Variants in GRIP1 observed in about 807,000 individuals in gnomAD.
GRIP1 encodes the protein glutamate receptor interacting protein 1.
In GRIP1, 45 loss-of-function variants were observed where a neutral mutation model predicts 129.9. The ratio of observed to expected loss-of-function variants is 0.35; its 90% CI spans 0.27 to 0.44. The LOEUF (loss-of-function observed/expected upper bound fraction) is 0.44, where lower values mean the gene tolerates loss of function less well. Ranked by LOEUF, GRIP1 falls within the 20% of genes least tolerant of loss-of-function variation. The probability of loss-of-function intolerance (pLI) is 1.00; values close to 1 mark genes in which losing one functional copy is unlikely to be tolerated. For synonymous variants in GRIP1, 530 were observed against 520.8 expected, an observed-to-expected ratio of 1.02 and a Z score of -0.24; for missense variants, 1,196 against 1,396.8, an observed-to-expected ratio of 0.86 and a Z score of 2.29.
rs1169331519 is a variant in GRIP1, at chr12:66,451,383, GTTTTTTTTTTT to G, written c.1354+4015_1354+4025del. Among the ~76,000 whole-genome samples the G allele has an allele frequency of 3.5e-3, 149 of 42,590 alleles. 3 individuals are homozygous for G. Among genetic ancestry groups the G allele is most frequent in the Non-Finnish European group, 4.5e-3 (108 of 23,862 alleles). The allele number at this position is 42,590 out of a possible 152,430, so 27.9% of individuals were successfully genotyped here. On this transcript the variant is annotated intron_variant, in intron 11 of 24. Transcript: ENST00000359742. ...CCCCAAAGATTTATTATTATAATCT[GTTTTTTTTTTT>G]TTTTTTTTTTTTTTTTTTTTTTTTT...
intron 2 of GRIP1, among the ~76,000 whole-genome samples, chr12:66,554,030 G>A (rs904858972): frequency 3.9e-5 from 6 of 152,174 alleles, no homozygotes; most frequent in African/African-American, 1.4e-4. Flanking sequence ...GCTGGGCTAA[G>A]AGCCCATTGA....
chr12:66,567,455 T>C (rs1389319370), intron 2 of GRIP1: 1 of 152,204 alleles, frequency 6.6e-6, no homozygotes, highest in African/African-American at 2.4e-5. Context: ...AGAACAGAAA[T>C]TATAACAAAC....
intron 1 of GRIP1, among the ~76,000 whole-genome samples, chr12:66,960,475 T>A (rs537134383): frequency 0.019 from 2,916 of 152,290 alleles, 38 homozygotes; most frequent in Middle Eastern, 0.058. Flanking sequence ...ATTTGGACTT[T>A]TTTTTAGCTT....
upstream of GRIP1, among the ~76,000 whole-genome samples, chr12:66,683,858 A>T (rs1019237325): frequency 3.3e-5 from 5 of 152,186 alleles, no homozygotes; most frequent in Non-Finnish European, 7.4e-5. Context: ...CAAGAGGAAA[A>T]ATCTACCAGA....
Position 66,532,190 on chromosome 12 carries a change from T to C in GRIP1, c.419-2276A>G, listed in dbSNP as rs1044324350. The stretch of plus-strand genomic sequence containing the variant: ...GTTTTAATACAATTAATGAAATAGA[T>C]TTGGTCTTTCTTGTTTTTATTTGCA... On this transcript the variant is annotated intron_variant, in intron 4 of 24. Transcript: ENST00000359742. Among the ~76,000 whole-genome samples the C allele has an allele frequency of 4.6e-5, 7 of 152,242 alleles. No homozygotes were observed. In the East Asian group the frequency reaches 1.3e-3, roughly 29 times the overall value.
chr12:66,416,617 C>A (rs955067937), intron 15 of GRIP1, among the ~76,000 whole-genome samples: 3 of 152,142 alleles, frequency 2.0e-5, no homozygotes, highest in Non-Finnish European at 4.4e-5. Flanking sequence ...TCATTAGTGG[C>A]TCCTATGAGC....
intron 1 of GRIP1, among the ~76,000 whole-genome samples, chr12:66,963,867 C>T (rs1386719933): frequency 6.6e-6 from 1 of 152,138 alleles, no homozygotes; most frequent in African/African-American, 2.4e-5. Context: ...GAACTCAGTA[C>T]CTCCAACCCA....
intron 1 of GRIP1, among the ~76,000 whole-genome samples, chr12:66,906,235 G>T (rs1233951817): frequency 6.6e-6 from 1 of 151,846 alleles, no homozygotes; most frequent in Non-Finnish European, 1.5e-5. Context: ...ACCAGCCTGG[G>T]CAACATAGCA....
At chr12:66,621,981 T>C (rs540582591) in intron 1 of GRIP1, among the ~76,000 whole-genome samples, 3 of 152,322 alleles carry the variant, frequency 2.0e-5, no homozygotes, top group East Asian at 1.9e-4. Flanking sequence ...AAATTCTTTA[T>C]ATATTTTGGA....
chr12:66,704,709 C>T (rs1355615185), intron 1 of GRIP1, among the ~76,000 whole-genome samples: 1 of 152,064 alleles, frequency 6.6e-6, no homozygotes, highest in African/African-American at 2.4e-5. Flanking sequence ...TTTTCTCTCA[C>T]CCATTAATTA....
intron 1 of GRIP1, among the ~76,000 whole-genome samples, chr12:66,935,347 A>G (rs1182752108): frequency 2.0e-5 from 3 of 152,136 alleles, no homozygotes; most frequent in Admixed American, 2.0e-4. Flanking sequence ...TTCTCAGACC[A>G]CACGTAGGTT....
At chr12:66,514,778 A>G (rs148568287) in intron 7 of GRIP1, among the ~76,000 whole-genome samples, 75 of 152,262 alleles carry the variant, frequency 4.9e-4, no homozygotes, top group Admixed American at 1.4e-3. Context: ...TGAGTCATAC[A>G]GTGTGAGAAA....
chr12:67,066,888 T>TTATATATA (rs1555170033), intron 1 of GRIP1, among the ~76,000 whole-genome samples: 6,563 of 125,422 alleles, frequency 0.052, 189 homozygotes, highest in Non-Finnish European at 0.062. Flanking sequence ...AAATATATAT[T>TTATATATA]TATATATATA....
intron 1 of GRIP1, among the ~76,000 whole-genome samples, chr12:66,703,776 T>C (rs546914239): frequency 1.2e-4 from 18 of 152,102 alleles, no homozygotes; most frequent in African/African-American, 4.3e-4. Flanking sequence ...ACAAGAGCCA[T>C]GGGTTGGGTG....
intron 1 of GRIP1, among the ~76,000 whole-genome samples, chr12:66,918,328 T>C (rs1297299687): frequency 6.6e-6 from 1 of 152,086 alleles, no homozygotes; most frequent in Non-Finnish European, 1.5e-5. Flanking sequence ...ACCTTTTTAT[T>C]CTACTCAGGC....
intron 4 of GRIP1, among the ~76,000 whole-genome samples, chr12:66,537,314 C>T (rs61928467): frequency 0.094 from 14,229 of 152,094 alleles, 827 homozygotes; most frequent in Non-Finnish European, 0.13. Context: ...GGATTTGAAC[C>T]TGTCTATTTG....
chr12:66,510,410 A>G (rs1282975941), intron 7 of GRIP1, among the ~76,000 whole-genome samples: 1 of 152,156 alleles, frequency 6.6e-6, no homozygotes, highest in Non-Finnish European at 1.5e-5. Context: ...GCCTTGCAAT[A>G]TAAGTGATGA....
intron 1 of GRIP1, among the ~76,000 whole-genome samples, chr12:66,903,637 G>A (rs10878520): frequency 0.26 from 39,491 of 151,986 alleles, 5,536 homozygotes; most frequent in East Asian, 0.45. Flanking sequence ...AGTAATCAAA[G>A]AAAGATTTTA....
At chr12:66,663,746 T>C (rs2033644140) in intron 1 of GRIP1, among the ~76,000 whole-genome samples, 1 of 152,182 alleles carries the variant, frequency 6.6e-6, no homozygotes, top group African/African-American at 2.4e-5. Flanking sequence ...AAAGCGTGTG[T>C]GTCTAACTTT....
Sources: gnomAD v4.1 joint callset for allele counts (sites outside exome capture counted in the v4.1 genomes callset) on GRCh38, gnomAD v4.1.1 for gene constraint, MANE v1.5 for transcripts, NCBI Gene and HGNC (gene_info 2026-07-23, HGNC 2026-07-21) for gene names.